Variants in ADCY2 observed in about 807,000 individuals in gnomAD.
The protein encoded by ADCY2 is adenylate cyclase type 2.
A neutral mutation model predicts 125.2 loss-of-function variants in ADCY2; 31 were observed. The ratio of observed to expected loss-of-function variants is 0.25; its 90% CI spans 0.19 to 0.33. The LOEUF (loss-of-function observed/expected upper bound fraction) is 0.33, where lower values mean the gene tolerates loss of function less well. Among genes scored for constraint, ADCY2 ranks in the 10% least tolerant of loss-of-function variants. The pLI is 1.00. For synonymous variants in ADCY2, 512 were observed against 548.4 expected (o/e 0.93, Z 0.93); for missense variants, 904 against 1,418.2 (o/e 0.64, Z 5.82).
chr5:7,798,694 C>T (rs1023525180), intron 20 of ADCY2: 2 of 151,278 alleles, frequency 1.3e-5, no homozygotes, highest in Non-Finnish European at 2.9e-5. Flanking sequence ...ATTCTCCTGC[C>T]TCAGCCTCCC....
At position 7,706,789 on chromosome 5, in the gene ADCY2, C is replaced by T. The variant is rs35209447; in HGVS notation, c.1155C>T (p.Gly385=). The change falls in exon 8 of 25, where the codon GGC becomes GGT. Residue 385 remains glycine, a synonymous_variant. Coordinates refer to ENST00000338316, the MANE Select transcript of ADCY2 (RefSeq NM_020546.3). The part of the protein sequence containing the change: ...ATGVDINMRV[G]VHSGNVLCGV... ...GAGTTGATATCAACATGCGCGTGGG[C>T]GTGCATTCTGGGAATGTCCTGTGTG... The T allele has an allele frequency of 8.1e-4, 1,301 of 1,614,158 alleles. 1 individual carries two copies. The highest frequency in any genetic ancestry group is 9.9e-4 in the Non-Finnish European group (1,165 of 1,180,036).
At chr5:7,740,855 A>C (rs916651135) in intron 14 of ADCY2, among the ~76,000 whole-genome samples, 1 of 152,126 alleles carries the variant, frequency 6.6e-6, no homozygotes, top group Non-Finnish European at 1.5e-5. Context: ...TTATTAGAAA[A>C]TACAAAATAT....
chr5:7,798,594 T>G (rs1744498746), intron 20 of ADCY2: 1 of 148,382 alleles, frequency 6.7e-6, no homozygotes, highest in Non-Finnish European at 1.5e-5. Context: ...CTTTTTTTTT[T>G]TTTGAGACGG....
At position 7,715,190 on chromosome 5, in the gene ADCY2, G is replaced by A. The variant is rs140795902; in HGVS notation, c.1623-1967G>A. On this transcript the variant is annotated intron_variant, in intron 11 of 24. Coordinates refer to ENST00000338316, the MANE Select transcript of ADCY2 (RefSeq NM_020546.3). ...GTCTGTATGTCAAGAATTATTGTCCGGATAATTAGTGAATTCAAATCATGC... is the reference window on the plus strand; with the variant it reads ...GTCTGTATGTCAAGAATTATTGTCCAGATAATTAGTGAATTCAAATCATGC... Among the ~76,000 whole-genome samples, 326 of 152,284 alleles carry A rather than the reference G, an allele frequency of 2.1e-3. 1 individual carries two copies. The highest frequency in any genetic ancestry group is 7.1e-3 in the African/African-American group (293 of 41,542).
At chr5:7,521,722 G>A (rs1328545202) in intron 3 of ADCY2, among the ~76,000 whole-genome samples, 1 of 152,198 alleles carries the variant, frequency 6.6e-6, no homozygotes, top group Non-Finnish European at 1.5e-5. Context: ...TCTTTCACGT[G>A]ATGTGCTATT....
chr5:7,513,440 A>G (rs541836537), intron 2 of ADCY2, among the ~76,000 whole-genome samples: 1 of 152,358 alleles, frequency 6.6e-6, no homozygotes, highest in East Asian at 1.9e-4. Flanking sequence ...CGAAAATGTT[A>G]AAGTACATTT....
intron 22 of ADCY2, among the ~76,000 whole-genome samples, chr5:7,812,956 G>A (rs189714258): frequency 3.3e-5 from 5 of 152,290 alleles, no homozygotes; most frequent in African/African-American, 1.2e-4. Context: ...CATTTAACAG[G>A]TGAGGAAAAC....
At chr5:7,530,550 G>A (rs527290109) in intron 3 of ADCY2, among the ~76,000 whole-genome samples, 5 of 152,226 alleles carry the variant, frequency 3.3e-5, no homozygotes, top group East Asian at 1.9e-4. Flanking sequence ...CCACTGCCGC[G>A]AAGCTGTTTT....
chr5:7,817,823 C>CAAAAAAAAA (rs57731885), intron 23 of ADCY2, among the ~76,000 whole-genome samples: 5 of 78,300 alleles, frequency 6.4e-5, no homozygotes, highest in East Asian at 4.5e-4. Flanking sequence ...ACGCTGTCAC[C>CAAAAAAAAA]AAAAAAAAAA....
intron 10 of ADCY2, among the ~76,000 whole-genome samples, chr5:7,712,012 C>T (rs564154593): frequency 5.9e-5 from 9 of 152,196 alleles, no homozygotes; most frequent in Non-Finnish European, 1.3e-4. Context: ...CTATACAGAA[C>T]TCCATTCACT....
At chr5:7,522,957 G>GA (rs1277765880) in intron 3 of ADCY2, among the ~76,000 whole-genome samples, 4 of 151,790 alleles carry the variant, frequency 2.6e-5, no homozygotes, top group Non-Finnish European at 5.9e-5. Flanking sequence ...AAAGAAATGA[G>GA]AAAACAATTT....
chr5:7,432,909 T>TTATTGTACATGTTGTACTGCG (rs1740659793), intron 2 of ADCY2, among the ~76,000 whole-genome samples: 1 of 152,158 alleles, frequency 6.6e-6, no homozygotes, highest in African/African-American at 2.4e-5. Context: ...CATGTACTGC[T>TTATTGTACATGTTGTACTGCG]TATTGTACTG....
At chr5:7,598,110 A>G (rs561757259) in intron 3 of ADCY2, among the ~76,000 whole-genome samples, 8 of 152,342 alleles carry the variant, frequency 5.3e-5, no homozygotes, top group African/African-American at 1.9e-4. Flanking sequence ...AGTGCATGAG[A>G]GAGGCCACCT....
chr5:7,658,276 G>A (rs1739407974), intron 4 of ADCY2: 1 of 152,040 alleles, frequency 6.6e-6, no homozygotes, highest in African/African-American at 2.4e-5. Flanking sequence ...TTTTTCTCAT[G>A]AACCGGTTCC....
intron 1 of ADCY2, among the ~76,000 whole-genome samples, chr5:7,397,165 T>C (rs1196165747): frequency 6.6e-6 from 1 of 152,232 alleles, no homozygotes; most frequent in Non-Finnish European, 1.5e-5. Flanking sequence ...GGACGATTGC[T>C]TTCCCGTTTC....
At chr5:7,505,772 A>G (rs1743788899) in intron 2 of ADCY2, among the ~76,000 whole-genome samples, 1 of 152,210 alleles carries the variant, frequency 6.6e-6, no homozygotes, top group African/African-American at 2.4e-5. Flanking sequence ...ATACACAAGT[A>G]TAAAACGGAG....
Position 7,532,259 on chromosome 5 carries a change from T to A in ADCY2, c.570+11360T>A, listed in dbSNP as rs139743500. ...CCTTGCCTAGTTTACAAACAGGTGA[T>A]ATGTTCACATTAAAGAGAAAGAAAG... On this transcript the variant is annotated intron_variant, in intron 3 of 24. Coordinates refer to ENST00000338316, the MANE Select transcript of ADCY2 (RefSeq NM_020546.3). Among the ~76,000 whole-genome samples the A allele has an allele frequency of 5.8e-3, 881 of 152,356 alleles. 21 individuals are homozygous for A. Among genetic ancestry groups the A allele is most frequent in the Admixed American group, 0.039 (596 of 15,296 alleles).
rs866869968 is a variant in ADCY2 at position 7,700,273 on chromosome 5, C to T, written c.1109+1899C>T. Among the ~76,000 whole-genome samples the T allele has an allele frequency of 3.5e-4, 54 of 152,138 alleles. 1 individual carries two copies. The highest frequency in any genetic ancestry group is 1.3e-3 in the African/African-American group (52 of 41,424). The stretch of plus-strand genomic sequence containing the variant: ...ATTTGCTTATATAGGATAGTGATAT[C>T]ATTACCATTGACTAGCTACAAAGTA... On this transcript the variant is annotated intron_variant, in intron 7 of 24. Transcript: ENST00000338316.
At chr5:7,811,789 A>G (rs1744951320) in intron 22 of ADCY2, among the ~76,000 whole-genome samples, 1 of 151,922 alleles carries the variant, frequency 6.6e-6, no homozygotes, top group Non-Finnish European at 1.5e-5. Context: ...TGAGATTCCT[A>G]CCCTCACCCT....
Sources: gnomAD v4.1 joint callset for allele counts (sites outside exome capture counted in the v4.1 genomes callset) on GRCh38, gnomAD v4.1.1 for gene constraint, MANE v1.5 for transcripts, NCBI Gene and HGNC (gene_info 2026-07-23, HGNC 2026-07-21) for gene names.